The following PRSS12 variants were observed in gnomAD, a reference collection of about 807,000 sequenced individuals.
The protein encoded by PRSS12 is neurotrypsin.
In PRSS12, 85 loss-of-function variants were observed where a neutral mutation model predicts 104.4. That is an observed-to-expected ratio of 0.81 (90% CI 0.68 to 0.98). The LOEUF is 0.98. PRSS12 is among the 50% of genes least tolerant of loss of function. The probability of loss-of-function intolerance (pLI) is 0.00; values close to 1 mark genes in which losing one functional copy is unlikely to be tolerated. For missense variants in PRSS12, 1,141 were observed against 1,139.2 expected, an observed-to-expected ratio of 1.00 and a Z score of -0.02; for synonymous variants, 454 against 425.2, an observed-to-expected ratio of 1.07 and a Z score of -0.83.
chr4:118,332,787 A>G (rs1381586590), intron 3 of PRSS12, among the ~76,000 whole-genome samples: 1 of 152,204 alleles, frequency 6.6e-6, no homozygotes, highest in Non-Finnish European at 1.5e-5. Flanking sequence ...CCTAGAAAAG[A>G]CACTCCAAAC....
At chr4:118,323,482 G>A (rs1024100607) in intron 4 of PRSS12, among the ~76,000 whole-genome samples, 33 of 151,578 alleles carry the variant, frequency 2.2e-4, no homozygotes, top group African/African-American at 6.5e-4. Context: ...AAAGAAAGGC[G>A]GGAGGGAGAA....
chr4:118,281,571 AAT>A lies in PRSS12; in HGVS notation c.*363_*364del, dbSNP rs940241166. The A allele has an allele frequency of 1.3e-5, 4 of 306,518 alleles. No homozygotes were observed. Among genetic ancestry groups the A allele is most frequent in the East Asian group, 7.8e-5 (1 of 12,800 alleles). The allele number at this position is 306,518 out of a possible 1,614,324, so 19.0% of individuals were successfully genotyped here. ...GCATTTATGTCAAATGTGGGTATTT[AAT>A]ATGATTTCAGACACCACTGATTCAA... On this transcript the variant is annotated 3_prime_UTR_variant, in exon 13 of 13. Coordinates refer to ENST00000296498, the MANE Select transcript of PRSS12 (RefSeq NM_003619.4).
rs1455032890 is a variant in PRSS12 at position 118,280,060 on chromosome 4, T to G, written c.*1876A>C. ...TTATACAAGGTGGAAAATTATGTAT[T>G]TATTTACACAAATATGCACAGAACA... is the stretch of plus-strand genomic sequence containing the variant. On this transcript the variant is annotated 3_prime_UTR_variant, in exon 13 of 13. Transcript: ENST00000296498. The G allele has an allele frequency of 6.6e-6, 1 of 152,236 alleles. No individual in the cohort carries two copies. Among genetic ancestry groups the G allele is most frequent in the Non-Finnish European group, 1.5e-5 (1 of 68,036 alleles). 9.4% of individuals were successfully genotyped at this position (152,236 alleles called of 1,614,324 possible).
chr4:118,308,591 C>T lies in PRSS12; in HGVS notation c.1490-14G>A. On this transcript the variant is annotated splice_polypyrimidine_tract_variant and intron_variant, in intron 7 of 12. Coordinates refer to ENST00000296498, the MANE Select transcript of PRSS12 (RefSeq NM_003619.4). ...TGACAGGAAAACCTAAGTCATGATT[C>T]AAAAGTATTAGAACAGCCCAAACAT... 1 of 1,526,352 alleles carries T rather than the reference C, an allele frequency of 6.6e-7. No individual in the cohort carries two copies. The highest frequency in any genetic ancestry group is 8.9e-7 in the Non-Finnish European group (1 of 1,125,000). The allele number at this position is 1,526,352 out of a possible 1,614,324, so 94.6% of individuals were successfully genotyped here.
chr4:118,333,859 C>T (rs1723988588), intron 3 of PRSS12, among the ~76,000 whole-genome samples: 1 of 152,156 alleles, frequency 6.6e-6, no homozygotes, highest in Non-Finnish European at 1.5e-5. Flanking sequence ...CCCCATCCTT[C>T]CAACAAACAC....
At chr4:118,282,371 ATGAC>A (rs1435256001) in intron 12 of PRSS12, 128 bp from the exon 13 acceptor site, 4 of 1,207,392 alleles carry the variant, frequency 3.3e-6, no homozygotes, top group Non-Finnish European at 4.8e-6. Context: ...AAAATGAGCA[ATGAC>A]TAACTGGTAT....
In PRSS12 at chr4:118,331,750, C is replaced by G. The variant is rs538216345; in HGVS notation, c.937G>C (p.Asp313His). The stretch of plus-strand genomic sequence containing the variant: ...AGCTGCCTGCAGATCACTTCTGCAT[C>G]GGCATCATCCCATTGGTCATCACAA... ...TVCDDQWDDADAEVICRQLGL... is the reference protein window; with the variant it reads ...TVCDDQWDDAHAEVICRQLGL... Residue 313 changes from aspartate (D) to histidine (H), a missense_variant, in exon 4 of 13, where the codon GAT becomes CAT. By Grantham distance (81) the Asp-to-His change is moderately conservative (BLOSUM62 -1). Transcript: ENST00000296498. 6.2e-7 allele frequency: 1 copy of G among 1,614,140 alleles called. No homozygotes were observed. Among genetic ancestry groups the G allele is most frequent in the Non-Finnish European group, 8.5e-7 (1 of 1,180,034 alleles).
chr4:118,349,044 C>T (rs1457820502), intron 1 of PRSS12, among the ~76,000 whole-genome samples: 1 of 152,064 alleles, frequency 6.6e-6, no homozygotes, highest in Admixed American at 6.5e-5. Context: ...GCCACTGGAA[C>T]ATCCACGCCC....
chr4:118,331,778 G>A lies in PRSS12; in HGVS notation c.909C>T (p.Thr303=), dbSNP rs1434508337. The A allele has an allele frequency of 2.5e-6, 4 of 1,613,946 alleles. No individual in the cohort carries two copies. The highest frequency in any genetic ancestry group is 1.7e-5 in the Admixed American group (1 of 59,986). ...VELYHAGQWG[T]VCDDQWDDAD... is the part of the protein sequence containing the mutation. ...CATCATCCCATTGGTCATCACAAACGGTTCCCCACTGGCCAGCATGGTAGA... is the reference window on the plus strand; with the variant it reads ...CATCATCCCATTGGTCATCACAAACAGTTCCCCACTGGCCAGCATGGTAGA... Residue 303 remains threonine (T), a synonymous_variant, in exon 4 of 13, where the codon ACC becomes ACT. Coordinates refer to ENST00000296498, the MANE Select transcript of PRSS12 (RefSeq NM_003619.4).
intron 4 of PRSS12, among the ~76,000 whole-genome samples, chr4:118,322,590 A>C (rs1469506743): frequency 2.7e-5 from 4 of 149,880 alleles, no homozygotes; most frequent in Non-Finnish European, 4.5e-5. Context: ...ACAAGGGAAC[A>C]GTTTAACACT....
chr4:118,301,919 T>C (rs1330910988), intron 8 of PRSS12, among the ~76,000 whole-genome samples: 2 of 152,212 alleles, frequency 1.3e-5, no homozygotes, highest in African/African-American at 4.8e-5. Context: ...TTTTCAATAC[T>C]GATACCTCAA....
intron 11 of PRSS12, among the ~76,000 whole-genome samples, chr4:118,284,888 T>G (rs1237134876): frequency 6.6e-6 from 1 of 152,166 alleles, no homozygotes; most frequent in African/African-American, 2.4e-5. Flanking sequence ...AAAACTTGGG[T>G]CTTTTATTGT....
In PRSS12 at chr4:118,352,258, G is replaced by T. The variant is rs758744349; in HGVS notation, c.463C>A (p.Arg155Ser). 6.2e-7 allele frequency: 1 copy of T among 1,611,426 alleles called. No individual in the cohort carries two copies. Residue 155 changes from arginine (R) to serine (S), a missense_variant, in exon 1 of 13, where the codon CGT becomes AGT. Physicochemically the swap from Arg to Ser is moderately radical, Grantham distance 110. Transcript: ENST00000296498. Reference protein sequence around the residue: ...GRPWCFYGDARGKVDWGYCDC... With the variant: ...GRPWCFYGDASGKVDWGYCDC... The stretch of plus-strand genomic sequence containing the variant: ...CAGTAGCCCCAGTCCACCTTGCCAC[G>T]GGCGTCTCCGTAGAAACACCAGGGT...
intron 1 of PRSS12, among the ~76,000 whole-genome samples, chr4:118,350,114 T>C (rs1724455241): frequency 6.6e-6 from 1 of 152,210 alleles, no homozygotes; most frequent in African/African-American, 2.4e-5. Context: ...GCTACTATGA[T>C]CAGGCCAGGT....
chr4:118,293,506 A>G (rs910897776), intron 11 of PRSS12, among the ~76,000 whole-genome samples: 1 of 152,194 alleles, frequency 6.6e-6, no homozygotes, highest in Non-Finnish European at 1.5e-5. Context: ...GACAAGGTCC[A>G]GACTAGGAAA....
intron 7 of PRSS12, among the ~76,000 whole-genome samples, chr4:118,308,990 C>A (rs1378715222): frequency 6.6e-6 from 1 of 151,880 alleles, no homozygotes. Flanking sequence ...GAAGTTTATA[C>A]ACCAAAGACA....
At position 118,316,837 on chromosome 4, in the gene PRSS12, A is replaced by AAAATATATATATAT. The variant is rs35698159; in HGVS notation, c.1151-515_1151-514insATATATATATATTT. ...ACTCCGTCTCACGGAAAAAAAAAAAAATATATATATATATATATATCTTTC... is the reference window on the plus strand; with the variant it reads ...ACTCCGTCTCACGGAAAAAAAAAAAAAAATATATATATATATATATATATATATATATATCTTTC... On this transcript the variant is annotated intron_variant, in intron 5 of 12. Coordinates refer to ENST00000296498, the MANE Select transcript of PRSS12 (RefSeq NM_003619.4). Among the ~76,000 whole-genome samples, 714 of 99,022 alleles carry AAAATATATATATAT rather than the reference A, an allele frequency of 7.2e-3. 5 individuals are homozygous for AAAATATATATATAT. The highest frequency in any genetic ancestry group is 1.0e-2 in the African/African-American group (288 of 28,834). 65.0% of individuals were successfully genotyped at this position (99,022 alleles called of 152,430 possible). A position where few individuals can be genotyped will look rare whatever the true frequency, so the allele number is the denominator to read the frequency against.
At chr4:118,321,010 A>G (rs571961765) in intron 4 of PRSS12, among the ~76,000 whole-genome samples, 1 of 152,312 alleles carries the variant, frequency 6.6e-6, no homozygotes, top group South Asian at 2.1e-4. Flanking sequence ...GATACTTGTA[A>G]CACAGTGGAC....
intron 8 of PRSS12, 119 bp downstream of exon 8, chr4:118,308,317 A>G (rs1444213830): frequency 7.5e-7 from 1 of 1,334,412 alleles, no homozygotes; most frequent in East Asian, 2.3e-5. Context: ...ATATGCTGCC[A>G]GTATTTTCAA....
Sources: allele counts gnomAD v4.1 joint callset (sites outside exome capture counted in the v4.1 genomes callset), GRCh38; gene constraint gnomAD v4.1.1; transcripts MANE v1.5; gene names NCBI Gene and HGNC (gene_info 2026-07-23, HGNC 2026-07-21).